TBC1D9: variants seen among roughly 807,000 people sequenced by gnomAD.
TBC1D9 encodes TBC1 domain family member 9A.
TBC1D9 carries 63 observed loss-of-function variants against 132.0 expected under a neutral mutation model. The observed-to-expected ratio is 0.48, with a 90% confidence interval of 0.39 to 0.59. The LOEUF is 0.59. TBC1D9 is among the 20% of genes least tolerant of loss of function. The pLI is 0.00. For synonymous variants in TBC1D9, 610 were observed against 609.9 expected (o/e 1.00, Z 0.00); for missense variants, 1,261 against 1,592.7 (o/e 0.79, Z 3.54).
intron 18 of TBC1D9, 41 bp from the exon 19 acceptor site, chr4:140,624,429 A>G (rs1464088276): frequency 6.4e-7 from 1 of 1,553,308 alleles, no homozygotes. Flanking sequence ...AGAATGTTAT[A>G]TAATATGACC....
chr4:140,755,234 T>G (rs1485669655), intron 1 of TBC1D9, among the ~76,000 whole-genome samples: 1 of 152,200 alleles, frequency 6.6e-6, no homozygotes, highest in East Asian at 1.9e-4. Flanking sequence ...CTGAATGATA[T>G]GACATGGCTT....
At chr4:140,659,490 G>T in intron 11 of TBC1D9, 98 bp downstream of exon 11, 2 of 772,686 alleles carry the variant, frequency 2.6e-6, no homozygotes, top group Non-Finnish European at 4.1e-6. Context: ...AAACTCTTTT[G>T]GCTTATGGTG....
At chr4:140,653,295 T>C (rs1249717597) in intron 13 of TBC1D9, among the ~76,000 whole-genome samples, 1 of 152,208 alleles carries the variant, frequency 6.6e-6, no homozygotes, top group African/African-American at 2.4e-5. Flanking sequence ...TATGTTTCAA[T>C]TGTCACGGCT....
chr4:140,703,390 C>A (rs912844138), intron 1 of TBC1D9, among the ~76,000 whole-genome samples: 1 of 152,190 alleles, frequency 6.6e-6, no homozygotes, highest in African/African-American at 2.4e-5. Flanking sequence ...AATTCACTTC[C>A]CACTGCTCTG....
Position 140,622,433 on chromosome 4 carries a change from A to G in TBC1D9, c.3563T>C (p.Val1188Ala). ...LHCEDIGEDT[V>A]LVRSGQGTAA... ...CGTGCCCTGGCCGCTCCGCACCAGG[A>G]CCGTGTCCTCTCCGATGTCCTCGCA... The change falls in exon 21 of 21, where the codon GTC becomes GCC. Residue 1188 changes from valine to alanine, a missense_variant. Val to Ala is a moderately conservative substitution (Grantham distance 64, BLOSUM62 0). Coordinates refer to ENST00000442267, the MANE Select transcript of TBC1D9 (RefSeq NM_015130.3). 1 of 1,613,902 alleles carries G rather than the reference A, an allele frequency of 6.2e-7. No homozygotes were observed. Among genetic ancestry groups the G allele is most frequent in the Non-Finnish European group, 8.5e-7 (1 of 1,179,830 alleles).
chr4:140,670,604 T>C (rs1028170658), intron 7 of TBC1D9, 116 bp downstream of exon 7: 24 of 772,706 alleles, frequency 3.1e-5, no homozygotes, highest in Non-Finnish European at 4.7e-5. Flanking sequence ...TGCTGAGATA[T>C]TGCTTTGGGC....
chr4:140,704,189 G>A (rs574748263), intron 1 of TBC1D9, among the ~76,000 whole-genome samples: 1 of 152,162 alleles, frequency 6.6e-6, no homozygotes, highest in East Asian at 1.9e-4. Context: ...CTTGAGGCCA[G>A]GAGTTCAAGA....
chr4:140,720,131 A>G (rs1372843875), intron 1 of TBC1D9, among the ~76,000 whole-genome samples: 1 of 152,202 alleles, frequency 6.6e-6, no homozygotes. Flanking sequence ...CGGTGGCTGA[A>G]GGCAGCCCCC....
At chr4:140,632,529 G>A (rs1351258383) in intron 16 of TBC1D9, among the ~76,000 whole-genome samples, 1 of 152,144 alleles carries the variant, frequency 6.6e-6, no homozygotes, top group Non-Finnish European at 1.5e-5. Flanking sequence ...GCCATTGTTC[G>A]AATCCTGGGT....
intron 2 of TBC1D9, among the ~76,000 whole-genome samples, chr4:140,691,988 T>G (rs1409005699): frequency 6.6e-6 from 1 of 152,210 alleles, no homozygotes; most frequent in Non-Finnish European, 1.5e-5. Context: ...TGATAGATAT[T>G]TGGCAGATAT....
intron 13 of TBC1D9, among the ~76,000 whole-genome samples, chr4:140,647,760 T>A (rs1195674354): frequency 6.6e-6 from 1 of 152,204 alleles, no homozygotes; most frequent in Non-Finnish European, 1.5e-5. Flanking sequence ...ACTCTGCAAC[T>A]TGCCAGAGAC....
chr4:140,728,656 C>A (rs1738536819), intron 1 of TBC1D9, among the ~76,000 whole-genome samples: 1 of 151,536 alleles, frequency 6.6e-6, no homozygotes, highest in Admixed American at 6.6e-5. Flanking sequence ...TACGTGCCAC[C>A]ACGCTCGGCT....
In TBC1D9 at chr4:140,756,065, G is replaced by A; in HGVS notation, c.-20C>T. On this transcript the variant is annotated 5_prime_UTR_variant, in exon 1 of 21. Coordinates refer to ENST00000442267, the MANE Select transcript of TBC1D9 (RefSeq NM_015130.3). This position sits in a 1 kb window ranked among gnomAD's most constrained non-coding sequence, Gnocchi z 5.6. ...CCACATGGTCCTGGCTGCCGCGGGC[G>A]GGCGCACAATGGGCCCGTGGGTCCA... The A allele has an allele frequency of 1.9e-6, 3 of 1,600,348 alleles. No individual in the cohort carries two copies. The highest frequency in any genetic ancestry group is 1.4e-5 in the African/African-American group (1 of 73,140).
In TBC1D9 at chr4:140,706,065, CA is replaced by C. The variant is rs1222058955; in HGVS notation, c.131-4452del. On this transcript the variant is annotated intron_variant, in intron 1 of 20. Transcript: ENST00000442267. This position sits in a 1 kb window ranked among gnomAD's most constrained non-coding sequence, Gnocchi z 4.0. ...ATGCACAGTCACCACTGCACAACTG[CA>C]GCCTAGCTGGGAGCTGGTACAGGTG... Among the ~76,000 whole-genome samples, 2 of 152,204 alleles carry C rather than the reference CA, an allele frequency of 1.3e-5. No individual in the cohort carries two copies. The highest frequency in any genetic ancestry group is 3.9e-4 in the East Asian group (2 of 5,194).
chr4:140,678,865 GA>G, intron 5 of TBC1D9, 76 bp downstream of exon 5: 1 of 1,512,542 alleles, frequency 6.6e-7, no homozygotes, highest in Admixed American at 1.9e-5. Flanking sequence ...GATCGTCAGA[GA>G]AGGTTACACT....
chr4:140,629,947 T>C (rs756000866), intron 16 of TBC1D9, among the ~76,000 whole-genome samples: 2 of 152,206 alleles, frequency 1.3e-5, no homozygotes, highest in African/African-American at 4.8e-5. Context: ...TTCTATAAAA[T>C]GGGCACAATT....
At chr4:140,634,947 A>G (rs1736854815) in intron 15 of TBC1D9, among the ~76,000 whole-genome samples, 1 of 152,164 alleles carries the variant, frequency 6.6e-6, no homozygotes, top group Admixed American at 6.5e-5. Context: ...TTTATTCATG[A>G]GGTCATGGTG....
intron 1 of TBC1D9, among the ~76,000 whole-genome samples, chr4:140,719,564 CTT>C (rs1196180265): frequency 6.6e-6 from 1 of 152,058 alleles, no homozygotes; most frequent in Non-Finnish European, 1.5e-5. Flanking sequence ...AAAATATGGC[CTT>C]AGTCCTGGAG....
intron 1 of TBC1D9, among the ~76,000 whole-genome samples, chr4:140,718,367 T>G (rs1413704309): frequency 2.6e-5 from 4 of 152,154 alleles, no homozygotes; most frequent in African/African-American, 9.7e-5. Flanking sequence ...ATCCCCTCTT[T>G]GCAAAAGTGT....
Sources: allele counts gnomAD v4.1 joint callset (sites outside exome capture counted in the v4.1 genomes callset), GRCh38; gene constraint gnomAD v4.1.1; non-coding constraint Gnocchi (gnomAD v3.1); transcripts MANE v1.5; gene names NCBI Gene and HGNC (gene_info 2026-07-23, HGNC 2026-07-21).